SHANK1: variants seen among roughly 807,000 people sequenced by gnomAD.
SHANK1 encodes SH3 and multiple ankyrin repeat domains protein 1.
Under a neutral mutation model 165.6 loss-of-function variants are expected in SHANK1, and 35 were observed. The observed-to-expected ratio is 0.21, with a 90% CI of 0.16 to 0.28. The LOEUF is 0.28. Ranked by LOEUF, SHANK1 falls within the 10% of genes least tolerant of loss-of-function variation. The probability of loss-of-function intolerance (pLI) is 1.00; values close to 1 mark genes in which losing one functional copy is unlikely to be tolerated. For missense variants in SHANK1, 2,681 were observed against 3,036.4 expected (o/e 0.88, Z 2.75); for synonymous variants, 1,428 against 1,384.8 (o/e 1.03, Z -0.69).
chr19:50,712,148 C>G, intron 6 of SHANK1, 34 bp from the exon 7 acceptor site: 1 of 1,548,830 alleles, frequency 6.5e-7, no homozygotes, highest in African/African-American at 1.4e-5. Context: ...TAGAAAAACA[C>G]AGATGACAGT....
chr19:50,675,762 G>A lies in SHANK1; in HGVS notation c.2578-3648C>T, dbSNP rs538719522. 3.1e-3 allele frequency among the ~76,000 whole-genome samples: 477 copies of A among 152,294 alleles called. 2 individuals are homozygous for A. The highest frequency in any genetic ancestry group is 0.011 in the African/African-American group (461 of 41,550). On this transcript the variant is annotated intron_variant, in intron 21 of 23. Transcript: ENST00000293441. ...CACACCTTTAATCCCAACATTTTGG[G>A]AGTTCAAGGTGGGTGGATCATTTGA... is the stretch of plus-strand genomic sequence containing the variant.
At chr19:50,674,055 A>G (rs952253698) in intron 21 of SHANK1, among the ~76,000 whole-genome samples, 37 of 151,968 alleles carry the variant, frequency 2.4e-4, no homozygotes, top group African/African-American at 8.9e-4. Flanking sequence ...GGCCTCCCCA[A>G]AAGTTCTCAG....
chr19:50,707,500 C>G (rs959373706), intron 8 of SHANK1, among the ~76,000 whole-genome samples: 4 of 152,242 alleles, frequency 2.6e-5, no homozygotes, highest in Non-Finnish European at 1.5e-5. Context: ...GCAGATGCTA[C>G]GCCCAGGGCC....
chr19:50,688,535 T>C lies in SHANK1; in HGVS notation c.2172+309A>G, dbSNP rs1202788235. On this transcript the variant is annotated intron_variant, in intron 17 of 23. Transcript: ENST00000293441. The surrounding 1 kb of genome is among the most constrained non-coding windows in gnomAD (Gnocchi z 6.7). Reference sequence around the variant, plus strand: ...GTTGCCCAGGCTGGTCTCAAACTCTTGAGTTCAAGCAATCCACCTGCTTCA... The same window carrying C: ...GTTGCCCAGGCTGGTCTCAAACTCTCGAGTTCAAGCAATCCACCTGCTTCA... Among the ~76,000 whole-genome samples the C allele has an allele frequency of 6.6e-6, 1 of 152,052 alleles. No individual in the cohort carries two copies. Among genetic ancestry groups the C allele is most frequent in the Non-Finnish European group, 1.5e-5 (1 of 67,994 alleles).
intron 21 of SHANK1, among the ~76,000 whole-genome samples, chr19:50,684,065 C>T (rs991863959): frequency 2.6e-5 from 4 of 152,100 alleles, no homozygotes; most frequent in African/African-American, 7.2e-5. Context: ...GTTTCTGTAC[C>T]GCCCTTTCCT....
chr19:50,661,865 G>C lies in SHANK1; in HGVS notation c.*100C>G. ...GAGGGCAGGGCGCAGTTTGAACAGAGTCCCTGGCCCGGGGAGAGAATGACA... is the reference window on the plus strand; with the variant it reads ...GAGGGCAGGGCGCAGTTTGAACAGACTCCCTGGCCCGGGGAGAGAATGACA... On this transcript the variant is annotated 3_prime_UTR_variant, in exon 24 of 24. Transcript: ENST00000293441. 7.3e-7 allele frequency: 1 copy of C among 1,375,234 alleles called. No homozygotes were observed. Among genetic ancestry groups the C allele is most frequent in the South Asian group, 1.2e-5 (1 of 80,724 alleles). 85.2% of individuals were successfully genotyped at this position (1,375,234 alleles called of 1,614,324 possible). A position where few individuals can be genotyped will look rare whatever the true frequency, so the allele number is the denominator to read the frequency against.
At chr19:50,684,260 T>C (rs1986264790) in intron 21 of SHANK1, among the ~76,000 whole-genome samples, 1 of 151,960 alleles carries the variant, frequency 6.6e-6, no homozygotes, top group Non-Finnish European at 1.5e-5. Flanking sequence ...AGTTTCGCTT[T>C]TGTCGCCCAG....
rs1372920701 is a variant in SHANK1, at chr19:50,702,392, T to C, written c.1747+75A>G. On this transcript the variant is annotated intron_variant, in intron 12 of 23. Coordinates refer to ENST00000293441, the MANE Select transcript of SHANK1 (RefSeq NM_016148.5). This position sits in a 1 kb window ranked among gnomAD's most constrained non-coding sequence, Gnocchi z 5.3. ...ATACTCCAGGTGCCCGAGAATGGTC[T>C]GCTCTCTGCTCCACATTTTCCCTGA... The C allele has an allele frequency of 1.2e-5, 16 of 1,354,270 alleles. No homozygotes were observed. Among genetic ancestry groups the C allele is most frequent in the African/African-American group, 2.9e-5 (2 of 68,958 alleles). 83.9% of individuals were successfully genotyped at this position (1,354,270 alleles called of 1,614,324 possible).
rs1367745924 is a variant in SHANK1, at chr19:50,704,498, A to C, written c.1094T>G (p.Ile365Ser). 1 of 1,613,952 alleles carries C rather than the reference A, an allele frequency of 6.2e-7. No homozygotes were observed. Among genetic ancestry groups the C allele is most frequent in the Non-Finnish European group, 8.5e-7 (1 of 1,179,952 alleles). Reference sequence around the variant, plus strand: ...CTTGTCGGCACCTCGATACAGGAGGATCCTGGCACAGGTCTCCTGCGGGTA... The same window carrying C: ...CTTGTCGGCACCTCGATACAGGAGGCTCCTGGCACAGGTCTCCTGCGGGTA... ...ALYNKETCAR[I>S]LLYRGADKDV... Residue 365 changes from isoleucine (I) to serine (S), a missense_variant, in exon 9 of 24, where the codon ATC becomes AGC. This residue lies in a region of SHANK1 where 189 missense variants were observed against 440.9 expected (regional missense o/e 0.43). Transcript: ENST00000293441.
chr19:50,667,642 C>G lies in SHANK1; in HGVS notation c.4318G>C (p.Ala1440Pro). Residue 1440 changes from alanine to proline, a missense_variant, in exon 23 of 24, where the codon GCC becomes CCC. Physicochemically the swap from Ala to Pro is conservative, Grantham distance 27. This residue lies in a region of SHANK1 where 1,713 missense variants were observed against 1,630.2 expected (regional missense o/e 1.05). Coordinates refer to ENST00000293441, the MANE Select transcript of SHANK1 (RefSeq NM_016148.5). The surrounding 1 kb of genome is among the most constrained non-coding windows in gnomAD (Gnocchi z 5.7). Reference protein sequence around the residue: ...EKSLPASPPAARRSLLHRLPP... With the variant: ...EKSLPASPPAPRRSLLHRLPP... The stretch of plus-strand genomic sequence containing the variant: ...AGGCGGTGTAGCAGGGAACGCCGGG[C>G]GGCGGGCGGGCTGGCGGGAAGGGAC... 7.1e-7 allele frequency: 1 copy of G among 1,410,082 alleles called. No individual in the cohort carries two copies. The highest frequency in any genetic ancestry group is 2.8e-5 in the East Asian group (1 of 35,602). 87.3% of individuals were successfully genotyped at this position (1,410,082 alleles called of 1,614,324 possible).
At chr19:50,711,687 G>T (rs1046239915) in intron 7 of SHANK1, among the ~76,000 whole-genome samples, 200 bp from the exon 8 acceptor site, 3 of 152,174 alleles carry the variant, frequency 2.0e-5, no homozygotes, top group Non-Finnish European at 2.9e-5. Context: ...TCATTCCAAG[G>T]CCCAGGCGTC....
chr19:50,682,682 C>T (rs2123119511), intron 21 of SHANK1, among the ~76,000 whole-genome samples: 1 of 152,050 alleles, frequency 6.6e-6, no homozygotes, highest in African/African-American at 2.4e-5. Flanking sequence ...TGGGGGGAGG[C>T]ATGAAGAAAT....
At position 50,716,852 on chromosome 19, in the gene SHANK1, C is replaced by T. The variant is rs879093481; in HGVS notation, c.68G>A (p.Gly23Asp). 8 of 1,538,948 alleles carry T rather than the reference C, an allele frequency of 5.2e-6. No homozygotes were observed. The highest frequency in any genetic ancestry group is 1.7e-6 in the Non-Finnish European group (2 of 1,146,068). ...RHSASECPEG[G>D]SESDSSPDGP... ...GTCTGGGGAGCTGTCGGACTCTGAG[C>T]CCCCCTCGGGACACTCGCTGGCACT... The change falls in exon 2 of 24, where the codon GGC becomes GAC. Residue 23 changes from glycine (G) to aspartate (D), a missense_variant. Gly to Asp is a moderately conservative substitution (Grantham distance 94). Around this residue, in one of 10 missense-constraint regions of SHANK1, gnomAD observed 118 missense variants for 106.9 expected, o/e 1.10. Coordinates refer to ENST00000293441, the MANE Select transcript of SHANK1 (RefSeq NM_016148.5). This position sits in a 1 kb window ranked among gnomAD's most constrained non-coding sequence, Gnocchi z 8.4.
chr19:50,688,109 C>T lies in SHANK1; in HGVS notation c.2173-51G>A, dbSNP rs1420094701. The T allele has an allele frequency of 6.2e-7, 1 of 1,606,888 alleles. No homozygotes were observed. The highest frequency in any genetic ancestry group is 1.7e-5 in the Admixed American group (1 of 59,802). ...CACAGAGTAGACGAGGGGAGGGGTG[C>T]TTGCAGCTTCAGAGACCCCAAGGAG... is the stretch of plus-strand genomic sequence containing the variant. On this transcript the variant is annotated intron_variant, in intron 17 of 23. Transcript: ENST00000293441. This position sits in a 1 kb window ranked among gnomAD's most constrained non-coding sequence, Gnocchi z 6.7.
chr19:50,704,346 T>C, intron 9 of SHANK1, 91 bp downstream of exon 9: 2 of 1,372,948 alleles, frequency 1.5e-6, no homozygotes, highest in East Asian at 4.6e-5. Flanking sequence ...TCTCCTTGCT[T>C]TCCTCATTGT....
Position 50,667,606 on chromosome 19 carries a change from C to G in SHANK1, c.4354G>C (p.Ala1452Pro), listed in dbSNP as rs1469441882. The change falls in exon 23 of 24, where the codon GCT becomes CCT. Residue 1452 changes from alanine to proline, a missense_variant. By Grantham distance (27) the Ala-to-Pro change is conservative. This residue lies in a region of SHANK1 where 1,713 missense variants were observed against 1,630.2 expected (regional missense o/e 1.05). Transcript: ENST00000293441. This position sits in a 1 kb window ranked among gnomAD's most constrained non-coding sequence, Gnocchi z 5.7. ...AGCAGGAGGGGCCCCACCCCGGGAG[C>G]GGTGGGCGGCAGGCGGTGTAGCAGG... ...RSLLHRLPPT[A>P]PGVGPLLLQL... The G allele has an allele frequency of 7.0e-7, 1 of 1,429,054 alleles. No individual in the cohort carries two copies. Among genetic ancestry groups the G allele is most frequent in the Non-Finnish European group, 9.1e-7 (1 of 1,102,522 alleles). The allele number at this position is 1,429,054 out of a possible 1,614,324, so 88.5% of individuals were successfully genotyped here.
In SHANK1 at chr19:50,702,333, C is replaced by T. The variant is rs189012641; in HGVS notation, c.1747+134G>A. 6.4e-4 allele frequency: 476 copies of T among 741,062 alleles called. 5 individuals are homozygous for T. In the African/African-American group the frequency reaches 7.5e-3, roughly 12 times the overall value. 45.9% of individuals were successfully genotyped at this position (741,062 alleles called of 1,614,324 possible). ...TGGTCCTCCAAGCCTCAAGGGGTGT[C>T]CTGGGGCTCTCTGAGGTCTCCAGAG... On this transcript the variant is annotated intron_variant, in intron 12 of 23. Coordinates refer to ENST00000293441, the MANE Select transcript of SHANK1 (RefSeq NM_016148.5). This position sits in a 1 kb window ranked among gnomAD's most constrained non-coding sequence, Gnocchi z 5.3.
At chr19:50,709,054 G>A (rs138906514) in intron 8 of SHANK1, among the ~76,000 whole-genome samples, 83 of 152,330 alleles carry the variant, frequency 5.4e-4, no homozygotes, top group African/African-American at 1.9e-3. Context: ...AATCAAGTTC[G>A]TATGTGTTAT....
In SHANK1 at chr19:50,714,461, G is replaced by A. The variant is rs2089047094; in HGVS notation, c.532-171C>T. On this transcript the variant is annotated intron_variant, in intron 4 of 23. Coordinates refer to ENST00000293441, the MANE Select transcript of SHANK1 (RefSeq NM_016148.5). ...ATACCCAGCCCTTTGGGAGGCCGAG[G>A]CGGGAGGATCACTTGGGCCCAGGGG... is the stretch of plus-strand genomic sequence containing the variant. 2.0e-5 allele frequency among the ~76,000 whole-genome samples: 3 copies of A among 152,266 alleles called. No individual in the cohort carries two copies. The South Asian group carries it at 6.2e-4, about 32-fold the overall frequency.
Sources: gnomAD v4.1 joint callset for allele counts (sites outside exome capture counted in the v4.1 genomes callset) on GRCh38, gnomAD v4.1.1 for gene constraint, gnomAD v4.1.1 regional missense constraint, Gnocchi (gnomAD v3.1) non-coding constraint, MANE v1.5 for transcripts, NCBI Gene and HGNC (gene_info 2026-07-23, HGNC 2026-07-21) for gene names.